MYH2: variants seen among roughly 807,000 people sequenced by gnomAD.
MYH2 encodes myosin heavy chain 2.
A neutral mutation model predicts 228.1 loss-of-function variants in MYH2; 139 were observed. The observed-to-expected ratio is 0.61, with a 90% CI of 0.53 to 0.70. The LOEUF (loss-of-function observed/expected upper bound fraction) is 0.70. MYH2 is among the 30% of genes least tolerant of loss of function. The pLI is 0.00. For synonymous variants in MYH2, 796 were observed against 871.1 expected (o/e 0.91, Z 1.52); for missense variants, 1,809 against 2,357.5 (o/e 0.77, Z 4.82).
At position 10,531,766 on chromosome 17, in the gene MYH2, A is replaced by T. The variant is rs1220559051; in HGVS notation, c.2564T>A (p.Met855Lys). 1.2e-6 allele frequency: 2 copies of T among 1,614,060 alleles called. No homozygotes were observed. The highest frequency in any genetic ancestry group is 1.3e-5 in the African/African-American group (1 of 74,906). The change falls in exon 22 of 40, where the codon ATG (methionine) becomes AAG (lysine). Residue 855 changes from methionine to lysine, a missense_variant. This residue lies in a region of MYH2 where 276 missense variants were observed against 344.2 expected (regional missense o/e 0.80). Transcript: ENST00000245503. ...LLKSAETEKEMATMKEEFQKI... is the reference protein window; with the variant it reads ...LLKSAETEKEKATMKEEFQKI... ...CTGAAATTCTTCCTTCATGGTGGCC[A>T]TCTCCTTCTCAGTTTCTGCACTCTT... is the stretch of plus-strand genomic sequence containing the variant.
In MYH2 at chr17:10,543,930, T is replaced by A. The variant is rs373306322; in HGVS notation, c.620A>T (p.Lys207Met). 2.5e-6 allele frequency: 4 copies of A among 1,614,092 alleles called. No individual in the cohort carries two copies. The African/African-American group carries it at 5.3e-5, about 22-fold the overall frequency. ...TATTTTGCCAGAAGTAATTTCTTCC[T>A]TCTTCTTCTCACCAGTAACTGCAAT... ...ATIAVTGEKK[K>M]EEITSGKIQG... Residue 207 changes from lysine (K) to methionine (M), a missense_variant, in exon 7 of 40, where the codon AAG (lysine) becomes ATG (methionine). Lys to Met is a moderately conservative substitution (Grantham distance 95, BLOSUM62 -1). Around this residue, in one of 9 missense-constraint regions of MYH2, gnomAD observed 373 missense variants for 620.4 expected, o/e 0.60. Transcript: ENST00000245503.
intron 8 of MYH2, 120 bp downstream of exon 8, chr17:10,543,591 A>C: frequency 1.4e-6 from 2 of 1,436,370 alleles, no homozygotes; most frequent in Non-Finnish European, 1.9e-6. Flanking sequence ...TGCTCAGAGG[A>C]AAAGGAAAGA....
Position 10,537,395 on chromosome 17 carries a change from G to A in MYH2, c.1735C>T (p.His579Tyr). 6.2e-6 allele frequency: 10 copies of A among 1,614,140 alleles called. No homozygotes were observed. Among genetic ancestry groups the A allele is most frequent in the Non-Finnish European group, 8.5e-6 (10 of 1,180,030 alleles). The change falls in exon 16 of 40, where the codon CAC becomes TAC. Residue 579 changes from histidine (H) to tyrosine (Y), a missense_variant. By Grantham distance (83) the His-to-Tyr change is moderately conservative (BLOSUM62 2). Transcript: ENST00000245503. This position sits in a 1 kb window ranked among gnomAD's most constrained non-coding sequence, Gnocchi z 4.0. ...CCAGCATAGTGAATCAGAGCGAAGT[G>A]GGCCTCGGCCTTGCCTTTGACCACC... ...PKVVKGKAEAHFALIHYAGVV... is the reference protein window; with the variant it reads ...PKVVKGKAEAYFALIHYAGVV...
chr17:10,547,828 G>A lies in MYH2; in HGVS notation c.93C>T (p.Pro31=), dbSNP rs760901652. The A allele has an allele frequency of 6.2e-7, 1 of 1,614,038 alleles. No individual in the cohort carries two copies. The highest frequency in any genetic ancestry group is 8.5e-7 in the Non-Finnish European group (1 of 1,180,048). ...CAAAGACAGATGTTTTGGCATCAAA[G>A]GGCCTATTCTGGGCCTCAATGCGCT... ...ERERIEAQNR[P]FDAKTSVFVA... The change falls in exon 3 of 40, where the codon CCC becomes CCT. Residue 31 remains proline, a synonymous_variant. Transcript: ENST00000245503.
At chr17:10,528,006 A>C in intron 27 of MYH2, 132 bp from the exon 28 acceptor site, 1 of 1,101,900 alleles carries the variant, frequency 9.1e-7, no homozygotes, top group Non-Finnish European at 1.3e-6. Flanking sequence ...AAACCAAATT[A>C]TCTTATATGT....
At position 10,523,651 on chromosome 17, in the gene MYH2, C is replaced by T. The variant is rs1204210134; in HGVS notation, c.5317G>A (p.Glu1773Lys). 24 of 1,614,240 alleles carry T rather than the reference C, an allele frequency of 1.5e-5. No individual in the cohort carries two copies. The highest frequency in any genetic ancestry group is 2.0e-5 in the Non-Finnish European group (24 of 1,180,052). ...GTGTCCTGCTCCTTCTTCAGCTCCT[C>T]AGCCATCATGGCGGCCTAAATAGCA... Reference protein sequence around the residue: ...KAITDAAMMAEELKKEQDTSA... With the variant: ...KAITDAAMMAKELKKEQDTSA... The change falls in exon 37 of 40, where the codon GAG (glutamate) becomes AAG (lysine). Residue 1773 changes from glutamate to lysine, a missense_variant. Glu to Lys is a moderately conservative substitution (Grantham distance 56, BLOSUM62 1). Transcript: ENST00000245503.
intron 2 of MYH2, among the ~76,000 whole-genome samples, chr17:10,548,786 G>C (rs1214549784): frequency 5.9e-5 from 9 of 152,142 alleles, no homozygotes; most frequent in Admixed American, 3.9e-4. Flanking sequence ...GGTATCAGTA[G>C]AATGAAAGGT....
intron 8 of MYH2, 56 bp from the exon 9 acceptor site, chr17:10,543,217 G>C (rs778646052): frequency 1.4e-4 from 181 of 1,312,740 alleles, no homozygotes; most frequent in Non-Finnish European, 1.5e-4. Context: ...AAATCTTTGA[G>C]AAATTCCAAA....
intron 22 of MYH2, among the ~76,000 whole-genome samples, chr17:10,530,430 G>A (rs1051279446): frequency 6.6e-6 from 1 of 152,212 alleles, no homozygotes; most frequent in South Asian, 2.1e-4. Context: ...CCTTGAGAGA[G>A]GGGTAGGATT....
chr17:10,537,972 T>C lies in MYH2; in HGVS notation c.1417-137A>G. Reference sequence around the variant, plus strand: ...TAAAATCACTGGGTTAAAGAGACTTTGAAATAAAAGGTGAAAAGTATGGAA... The same window carrying C: ...TAAAATCACTGGGTTAAAGAGACTTCGAAATAAAAGGTGAAAAGTATGGAA... On this transcript the variant is annotated intron_variant, in intron 14 of 39. Coordinates refer to ENST00000245503, the MANE Select transcript of MYH2 (RefSeq NM_017534.6). The surrounding 1 kb of genome is among the most constrained non-coding windows in gnomAD (Gnocchi z 4.0). 1 of 1,472,950 alleles carries C rather than the reference T, an allele frequency of 6.8e-7. No individual in the cohort carries two copies. Among genetic ancestry groups the C allele is most frequent in the Non-Finnish European group, 9.2e-7 (1 of 1,090,786 alleles). 91.2% of individuals were successfully genotyped at this position (1,472,950 alleles called of 1,614,324 possible). A position where few individuals can be genotyped will look rare whatever the true frequency, so the allele number is the denominator to read the frequency against.
intron 19 of MYH2, 106 bp from the exon 20 acceptor site, chr17:10,533,738 T>C (rs1221769553): frequency 6.3e-6 from 9 of 1,428,876 alleles, no homozygotes; most frequent in Admixed American, 3.6e-5. Context: ...AAAAATATTA[T>C]TCTTTGTTCA....
chr17:10,529,540 T>C, intron 24 of MYH2, 24 bp downstream of exon 24: 1 of 1,614,236 alleles, frequency 6.2e-7, no homozygotes, highest in Non-Finnish European at 8.5e-7. Flanking sequence ...AAGAAAAGAA[T>C]GTCCTTGATG....
In MYH2 at chr17:10,537,345, G is replaced by GC; in HGVS notation, c.1784dup (p.Trp596LeufsTer11). ...GGGGGTCCTTGTTCTTCTCCAGCCA[G>GC]CCAGTAATGTTGTAGTCCACAACAC... On this transcript the variant is annotated frameshift_variant, in exon 16 of 40. Coordinates refer to ENST00000245503, the MANE Select transcript of MYH2 (RefSeq NM_017534.6). LOFTEE classifies it high-confidence loss of function. This position sits in a 1 kb window ranked among gnomAD's most constrained non-coding sequence, Gnocchi z 4.0. The GC allele has an allele frequency of 6.2e-7, 1 of 1,614,192 alleles. No individual in the cohort carries two copies. The highest frequency in any genetic ancestry group is 8.5e-7 in the Non-Finnish European group (1 of 1,180,040).
Position 10,537,629 on chromosome 17 carries a change from T to C in MYH2, c.1587+36A>G. On this transcript the variant is annotated intron_variant, in intron 15 of 39. Coordinates refer to ENST00000245503, the MANE Select transcript of MYH2 (RefSeq NM_017534.6). The surrounding 1 kb of genome is among the most constrained non-coding windows in gnomAD (Gnocchi z 4.0). ...AATAAAAAGCAGCGAATAATATAGT[T>C]GCCGCAAAATATGGTTTCAGAAATG... 6.2e-7 allele frequency: 1 copy of C among 1,614,210 alleles called. No individual in the cohort carries two copies. The highest frequency in any genetic ancestry group is 1.7e-5 in the Admixed American group (1 of 60,018).
intron 22 of MYH2, among the ~76,000 whole-genome samples, chr17:10,530,575 T>C (rs544179547): frequency 2.0e-5 from 3 of 152,160 alleles, no homozygotes; most frequent in African/African-American, 7.2e-5. Flanking sequence ...CTGATTATGA[T>C]GTACTAAATT....
In MYH2 at chr17:10,536,367, A is replaced by G. The variant is rs71360272; in HGVS notation, c.1974+163T>C. 0.054 allele frequency among the ~76,000 whole-genome samples: 8,167 copies of G among 152,272 alleles called. 247 individuals carry two copies. The highest frequency in any genetic ancestry group is 0.12 in the South Asian group (588 of 4,818). On this transcript the variant is annotated intron_variant, in intron 17 of 39. Transcript: ENST00000245503. ...GACGAGGGGAATTTTGCCCAGCGAG[A>G]TGTCAAAGCATATTACAAAGTAATT...
chr17:10,531,607 A>T, intron 22 of MYH2, 26 bp downstream of exon 22: 1 of 1,614,166 alleles, frequency 6.2e-7, no homozygotes, highest in Non-Finnish European at 8.5e-7. Flanking sequence ...CTGGTTAGTG[A>T]TACCAAGGGT....
chr17:10,537,357 G>GTCA lies in MYH2; in HGVS notation c.1772_1773insTGA (p.Tyr591_Asn592insAsp). The stretch of plus-strand genomic sequence containing the variant: ...TCTTCTCCAGCCAGCCAGTAATGTT[G>GTCA]TAGTCCACAACACCAGCATAGTGAA... On this transcript the variant is annotated inframe_insertion, in exon 16 of 40. Transcript: ENST00000245503. This position sits in a 1 kb window ranked among gnomAD's most constrained non-coding sequence, Gnocchi z 4.0. 1 of 1,614,194 alleles carries GTCA rather than the reference G, an allele frequency of 6.2e-7. No individual in the cohort carries two copies. The highest frequency in any genetic ancestry group is 8.5e-7 in the Non-Finnish European group (1 of 1,180,038).
intron 9 of MYH2, 23 bp from the exon 10 acceptor site, chr17:10,542,996 T>G (rs1260196960): frequency 6.3e-7 from 1 of 1,599,270 alleles, no homozygotes; most frequent in Non-Finnish European, 8.6e-7. Flanking sequence ...AAATAACACA[T>G]AAGAAAATTG....
Sources: allele counts gnomAD v4.1 joint callset (sites outside exome capture counted in the v4.1 genomes callset), GRCh38; gene constraint gnomAD v4.1.1; regional missense constraint gnomAD v4.1.1; non-coding constraint Gnocchi (gnomAD v3.1); transcripts MANE v1.5; gene names NCBI Gene and HGNC (gene_info 2026-07-23, HGNC 2026-07-21).